Variants in TMED8 observed in about 807,000 individuals in gnomAD.
TMED8 encodes protein TMED8.
Under a neutral mutation model 32.7 loss-of-function variants are expected in TMED8, and 15 were observed. The ratio of observed to expected loss-of-function variants is 0.46; its 90% confidence interval spans 0.31 to 0.71. TMED8 has a LOEUF of 0.71. Ranked by LOEUF, TMED8 falls within the 30% of genes least tolerant of loss-of-function variation. The pLI is 0.06. For synonymous variants in TMED8, 147 were observed against 161.4 expected (o/e 0.91, Z 0.68); for missense variants, 390 against 423.9 (o/e 0.92, Z 0.70).
At chr14:77,375,830 T>C (rs902122144) in intron 1 of TMED8, among the ~76,000 whole-genome samples, 23 of 152,210 alleles carry the variant, frequency 1.5e-4, no homozygotes, top group Non-Finnish European at 2.9e-5. Context: ...GAGTATAGTG[T>C]GTACCATGGA....
chr14:77,361,820 G>A (rs1430714011), intron 1 of TMED8, among the ~76,000 whole-genome samples: 2 of 152,008 alleles, frequency 1.3e-5, no homozygotes, highest in Admixed American at 6.6e-5. Context: ...TTGAGACAGG[G>A]TCTCTGTAAG....
intron 1 of TMED8, among the ~76,000 whole-genome samples, chr14:77,374,792 G>A (rs952345605): frequency 5.9e-5 from 9 of 152,244 alleles, no homozygotes; most frequent in Non-Finnish European, 1.2e-4. Flanking sequence ...AATAAAAGAC[G>A]CCCAATTATA....
In TMED8 at chr14:77,351,214, C is replaced by T. The variant is rs554925795; in HGVS notation, c.197+459G>A. Among the ~76,000 whole-genome samples the T allele has an allele frequency of 1.5e-4, 23 of 151,706 alleles. No individual in the cohort carries two copies. In the East Asian group the frequency reaches 3.6e-3, roughly 24 times the overall value. On this transcript the variant is annotated intron_variant, in intron 2 of 5. Coordinates refer to ENST00000216468, the MANE Select transcript of TMED8 (RefSeq NM_213601.3). The stretch of plus-strand genomic sequence containing the variant: ...TAAAAATTAAATCCCTGGCCCGGCG[C>T]GGTGGCTCACGCCTGTAATCCCAGC...
chr14:77,377,044 G>T lies in TMED8; in HGVS notation c.10C>A (p.Leu4Met). Reference sequence around the variant, plus strand: ...GAGCCCGGCCCCTCAGCCGCCTGCAGGTCAGACATCTGCAGCCCGCGCACG... The same window carrying T: ...GAGCCCGGCCCCTCAGCCGCCTGCATGTCAGACATCTGCAGCCCGCGCACG... MSDLQAAEGPGSWS... is the reference protein window; with the variant it reads MSDMQAAEGPGSWS... Residue 4 changes from leucine to methionine, a missense_variant, in exon 1 of 6, where the codon CTG becomes ATG. Coordinates refer to ENST00000216468, the MANE Select transcript of TMED8 (RefSeq NM_213601.3). 7.3e-7 allele frequency: 1 copy of T among 1,376,674 alleles called. No individual in the cohort carries two copies. The highest frequency in any genetic ancestry group is 9.3e-7 in the Non-Finnish European group (1 of 1,074,234). The allele number at this position is 1,376,674 out of a possible 1,614,324, so 85.3% of individuals were successfully genotyped here.
At position 77,346,489 on chromosome 14, in the gene TMED8, AAG is replaced by A; in HGVS notation, c.198-13_198-12del. 6.2e-7 allele frequency: 1 copy of A among 1,614,000 alleles called. No individual in the cohort carries two copies. The highest frequency in any genetic ancestry group is 8.5e-7 in the Non-Finnish European group (1 of 1,179,988). ...GATACCATCTGTGGCCTCTCAGAGG[AAG>A]AGAGCATGTTAATTCAAGGACTCTT... is the stretch of plus-strand genomic sequence containing the variant. On this transcript the variant is annotated splice_polypyrimidine_tract_variant and intron_variant, in intron 2 of 5. Transcript: ENST00000216468.
Position 77,362,381 on chromosome 14 carries a change from C to T in TMED8, c.119-10630G>A, listed in dbSNP as rs528810333. ...TTTATTACGTTGAGTAAATTTCTTT[C>T]TACATCTAAAGTTGTTGCCAGTTTA... On this transcript the variant is annotated intron_variant, in intron 1 of 5. Transcript: ENST00000216468. 2.6e-5 allele frequency among the ~76,000 whole-genome samples: 4 copies of T among 152,172 alleles called. No homozygotes were observed. The South Asian group carries it at 6.2e-4, about 24-fold the overall frequency.
intron 1 of TMED8, among the ~76,000 whole-genome samples, chr14:77,374,631 G>C (rs1449858914): frequency 2.0e-5 from 3 of 152,170 alleles, no homozygotes; most frequent in Admixed American, 2.0e-4. Flanking sequence ...TGCTCATCCA[G>C]ATCTCTGCAT....
chr14:77,363,366 ATTGG>A (rs1370708420), intron 1 of TMED8, among the ~76,000 whole-genome samples: 1 of 152,220 alleles, frequency 6.6e-6, no homozygotes, highest in East Asian at 1.9e-4. Context: ...CAACCAATAG[ATTGG>A]TTGAGAAGAA....
At position 77,346,434 on chromosome 14, in the gene TMED8, A is replaced by T; in HGVS notation, c.242T>A (p.Leu81Gln). 6.2e-7 allele frequency: 1 copy of T among 1,614,202 alleles called. No homozygotes were observed. The highest frequency in any genetic ancestry group is 8.5e-7 in the Non-Finnish European group (1 of 1,180,028). ...CTCCAAAGGACCAGTTGCTTTCCGC[A>T]GATCTTCCGTGGCATCCTTACTCAC... ...SPVSKDATED[L>Q]RKATGPLEAQ... Residue 81 changes from leucine to glutamine, a missense_variant, in exon 3 of 6, where the codon CTG (leucine) becomes CAG (glutamine). Leu to Gln is a moderately radical substitution (Grantham distance 113, BLOSUM62 -2). Transcript: ENST00000216468.
intron 1 of TMED8, among the ~76,000 whole-genome samples, chr14:77,371,310 C>T (rs374602674): frequency 1.3e-5 from 2 of 152,114 alleles, no homozygotes; most frequent in African/African-American, 2.4e-5. Flanking sequence ...TTCTGCACAC[C>T]GACCAACAAA....
intron 1 of TMED8, among the ~76,000 whole-genome samples, chr14:77,362,426 C>T (rs1048679361): frequency 5.3e-5 from 8 of 152,016 alleles, no homozygotes; most frequent in Non-Finnish European, 1.0e-4. Flanking sequence ...ATTCTAACTA[C>T]AATTTATTCT....
chr14:77,343,617 C>T, intron 4 of TMED8, 80 bp downstream of exon 4: 3 of 1,590,206 alleles, frequency 1.9e-6, no homozygotes, highest in South Asian at 2.3e-5. Context: ...CATTTTCTTT[C>T]CTTCCATTTG....
intron 3 of TMED8, among the ~76,000 whole-genome samples, chr14:77,344,074 A>C (rs1016408920): frequency 2.6e-5 from 4 of 152,178 alleles, no homozygotes; most frequent in African/African-American, 9.7e-5. Flanking sequence ...TCCTGCTCCA[A>C]ACCCTTTATA....
chr14:77,372,790 G>A (rs1312218630), intron 1 of TMED8, among the ~76,000 whole-genome samples: 5 of 150,074 alleles, frequency 3.3e-5, no homozygotes, highest in African/African-American at 1.2e-4. Flanking sequence ...AACCACAATA[G>A]AAAACTAAAA....
chr14:77,346,932 G>A (rs1033080001), intron 2 of TMED8, among the ~76,000 whole-genome samples: 2 of 151,778 alleles, frequency 1.3e-5, no homozygotes, highest in Non-Finnish European at 2.9e-5. Context: ...ACTCCTTTTT[G>A]TGGTGAGAAC....
rs1015023114 is a variant in TMED8 at position 77,338,455 on chromosome 14, A to C, written c.*3316T>G. On this transcript the variant is annotated 3_prime_UTR_variant, in exon 6 of 6. Transcript: ENST00000216468. ...GCCAAGCCTCCCTTACTTTAACTTA[A>C]GCTGACTTCATCTTTTCAGGTAAAG... 1.3e-5 allele frequency: 2 copies of C among 152,196 alleles called. No homozygotes were observed. The highest frequency in any genetic ancestry group is 4.8e-5 in the African/African-American group (2 of 41,458). The allele number at this position is 152,196 out of a possible 1,614,324, so 9.4% of individuals were successfully genotyped here. A position where few individuals can be genotyped will look rare whatever the true frequency, so the allele number is the denominator to read the frequency against.
chr14:77,335,753 T>C lies in TMED8; in HGVS notation c.*6018A>G, dbSNP rs554911819. ...AGGGAAAATGGGTACACCAGATTCA[T>C]GGGTTACAGGATTGCTTTCTCTAGA... On this transcript the variant is annotated 3_prime_UTR_variant, in exon 6 of 6. Coordinates refer to ENST00000216468, the MANE Select transcript of TMED8 (RefSeq NM_213601.3). 9 of 152,216 alleles carry C rather than the reference T, an allele frequency of 5.9e-5. No individual in the cohort carries two copies. Among genetic ancestry groups the C allele is most frequent in the Admixed American group, 1.3e-4 (2 of 15,274 alleles). The allele number at this position is 152,216 out of a possible 1,614,324, so 9.4% of individuals were successfully genotyped here.
At chr14:77,366,749 T>C (rs1367014130) in intron 1 of TMED8, among the ~76,000 whole-genome samples, 1 of 152,198 alleles carries the variant, frequency 6.6e-6, no homozygotes, top group African/African-American at 2.4e-5. Flanking sequence ...CCATATTGAA[T>C]AGTCACTGAA....
chr14:77,346,442 C>T lies in TMED8; in HGVS notation c.234G>A (p.Thr78=), dbSNP rs755924755. ...QMVSPVSKDA[T]EDLRKATGPL... is the part of the protein sequence containing the mutation. ...GACCAGTTGCTTTCCGCAGATCTTC[C>T]GTGGCATCCTTACTCACTGGAGATA... Residue 78 remains threonine, a synonymous_variant, in exon 3 of 6, where the codon ACG becomes ACA. Coordinates refer to ENST00000216468, the MANE Select transcript of TMED8 (RefSeq NM_213601.3). 6 of 1,614,120 alleles carry T rather than the reference C, an allele frequency of 3.7e-6. No homozygotes were observed. The highest frequency in any genetic ancestry group is 1.7e-5 in the Admixed American group (1 of 60,024).
Sources: allele counts gnomAD v4.1 joint callset (sites outside exome capture counted in the v4.1 genomes callset), GRCh38; gene constraint gnomAD v4.1.1; transcripts MANE v1.5; gene names NCBI Gene and HGNC (gene_info 2026-07-23, HGNC 2026-07-21).